The following AKAP13 variants were observed in gnomAD, a reference collection of about 807,000 sequenced individuals.
AKAP13 encodes A-kinase anchor protein 13.
A neutral mutation model predicts 264.5 loss-of-function variants in AKAP13; 80 were observed. The ratio of observed to expected loss-of-function variants is 0.30; its 90% CI spans 0.25 to 0.36. The LOEUF (loss-of-function observed/expected upper bound fraction) is 0.36. Among genes scored for constraint, AKAP13 ranks in the 10% least tolerant of loss-of-function variants. AKAP13 has a pLI of 1.00. For missense variants in AKAP13, 3,712 were observed against 3,435.2 expected, an observed-to-expected ratio of 1.08 and a Z score of -2.01; for synonymous variants, 1,380 against 1,250.2, an observed-to-expected ratio of 1.10 and a Z score of -2.19.
chr15:85,642,332 A>G (rs1361992298), intron 9 of AKAP13, among the ~76,000 whole-genome samples: 6 of 152,240 alleles, frequency 3.9e-5, no homozygotes, highest in Non-Finnish European at 7.3e-5. Context: ...TTTTTCTTCT[A>G]TTAAGTAGTC....
At chr15:85,738,609 C>T (rs796688398) in intron 33 of AKAP13, among the ~76,000 whole-genome samples, 10 of 151,544 alleles carry the variant, frequency 6.6e-5, no homozygotes, top group South Asian at 2.1e-4. Flanking sequence ...GAGGCCGAGG[C>T]GGGTGGATCA....
intron 1 of AKAP13, among the ~76,000 whole-genome samples, chr15:85,417,724 A>G (rs2072308458): frequency 6.6e-6 from 1 of 152,238 alleles, no homozygotes; most frequent in East Asian, 1.9e-4. Flanking sequence ...ATTTATCCTC[A>G]CCAGGAGCCA....
rs66624781 is a variant in AKAP13, at chr15:85,650,755, CAAAAAAAAAAAAAAAAAAAAAAA to C, written c.4375-4649_4375-4627del. Among the ~76,000 whole-genome samples, 16 of 32,624 alleles carry C rather than the reference CAAAAAAAAAAAAAAAAAAAAAAA, an allele frequency of 4.9e-4. No homozygotes were observed. In the South Asian group the frequency reaches 6.2e-3, roughly 13 times the overall value. 21.4% of individuals were successfully genotyped at this position (32,624 alleles called of 152,430 possible). On this transcript the variant is annotated intron_variant, in intron 10 of 36. Coordinates refer to ENST00000394518, the MANE Select transcript of AKAP13 (RefSeq NM_007200.5). Reference sequence around the variant, plus strand: ...TGGGCAACAGAGTGAGACTCCATCTCAAAAAAAAAAAAAAAAAAAAAAAAAAAAAAAAAAACAACAAAAACTGC... The same window carrying C: ...TGGGCAACAGAGTGAGACTCCATCTCAAAAAAAAAAAACAACAAAAACTGC...
chr15:85,581,468 G>T lies in AKAP13; in HGVS notation c.3400G>T (p.Val1134Leu). 6.2e-7 allele frequency: 1 copy of T among 1,614,224 alleles called. No homozygotes were observed. The highest frequency in any genetic ancestry group is 8.5e-7 in the Non-Finnish European group (1 of 1,180,034). Residue 1134 changes from valine to leucine, a missense_variant, in exon 7 of 37, where the codon GTG becomes TTG. By Grantham distance (32) the Val-to-Leu change is conservative. Coordinates refer to ENST00000394518, the MANE Select transcript of AKAP13 (RefSeq NM_007200.5). ...QEKNAVLGLPVALQDKAVTDP... is the reference protein window; with the variant it reads ...QEKNAVLGLPLALQDKAVTDP... Reference sequence around the variant, plus strand: ...GAAGAATGCCGTTCTAGGTTTGCCAGTGGCTCTACAGGACAAAGCTGTGAC... The same window carrying T: ...GAAGAATGCCGTTCTAGGTTTGCCATTGGCTCTACAGGACAAAGCTGTGAC...
chr15:85,487,754 C>A (rs1378226798), intron 2 of AKAP13, among the ~76,000 whole-genome samples: 1 of 142,370 alleles, frequency 7.0e-6, no homozygotes, highest in Non-Finnish European at 1.5e-5. Flanking sequence ...TTTATTGAGA[C>A]AAGGTCTTGC....
intron 1 of AKAP13, among the ~76,000 whole-genome samples, chr15:85,393,524 A>G (rs2070966887): frequency 6.6e-6 from 1 of 152,218 alleles, no homozygotes. Flanking sequence ...TCCAGTCTAG[A>G]GAGGTTTTTT....
chr15:85,593,626 T>C (rs993885027), intron 8 of AKAP13, among the ~76,000 whole-genome samples: 1 of 152,038 alleles, frequency 6.6e-6, no homozygotes, highest in Admixed American at 6.6e-5. Context: ...TGTTCTGGGA[T>C]ATTAAAATCA....
At chr15:85,730,363 T>C in intron 29 of AKAP13, 150 bp from the exon 30 acceptor site, 1 of 720,202 alleles carries the variant, frequency 1.4e-6, no homozygotes, top group South Asian at 1.8e-5. Context: ...AATATTGCTG[T>C]CTTGATGAAA....
chr15:85,456,809 C>T (rs1289195004), intron 1 of AKAP13, among the ~76,000 whole-genome samples: 1 of 152,132 alleles, frequency 6.6e-6, no homozygotes, highest in Non-Finnish European at 1.5e-5. Context: ...ATGTTGACAG[C>T]TTTTCTCTCC....
At chr15:85,688,300 C>G (rs1287022983) in intron 16 of AKAP13, among the ~76,000 whole-genome samples, 2 of 152,036 alleles carry the variant, frequency 1.3e-5, no homozygotes, top group Non-Finnish European at 1.5e-5. Context: ...TGGATATTGA[C>G]ACTGATTTTT....
intron 17 of AKAP13, among the ~76,000 whole-genome samples, chr15:85,700,947 C>T (rs11635418): frequency 4.6e-5 from 7 of 152,078 alleles, no homozygotes; most frequent in East Asian, 1.9e-4. Flanking sequence ...GAATGTCATG[C>T]ACCTCTGACC....
chr15:85,647,811 C>G (rs919061462), intron 10 of AKAP13, among the ~76,000 whole-genome samples: 3 of 152,026 alleles, frequency 2.0e-5, no homozygotes, highest in Non-Finnish European at 4.4e-5. Flanking sequence ...ACCTGTAGTC[C>G]CAGCTACTCG....
intron 13 of AKAP13, among the ~76,000 whole-genome samples, chr15:85,665,626 C>G (rs1026545785): frequency 6.6e-6 from 1 of 152,062 alleles, no homozygotes; most frequent in Non-Finnish European, 1.5e-5. Context: ...TTTGCTGCAC[C>G]CATTAACTCG....
At chr15:85,454,330 C>T (rs527539878) in intron 1 of AKAP13, among the ~76,000 whole-genome samples, 5 of 152,230 alleles carry the variant, frequency 3.3e-5, no homozygotes, top group Admixed American at 1.3e-4. Flanking sequence ...GTTCACAAGG[C>T]GATCTCTTAA....
chr15:85,478,356 A>G (rs987452816), intron 1 of AKAP13, among the ~76,000 whole-genome samples: 3 of 150,692 alleles, frequency 2.0e-5, no homozygotes, highest in African/African-American at 7.3e-5. Context: ...ACTTTCAAAT[A>G]AACTCTAAAA....
At chr15:85,706,414 C>T (rs866405971) in intron 17 of AKAP13, among the ~76,000 whole-genome samples, 78 of 152,208 alleles carry the variant, frequency 5.1e-4, no homozygotes, top group African/African-American at 6.5e-4. Context: ...ACTCACTTAC[C>T]CATCTGATAG....
chr15:85,738,769 C>T (rs1055215953), intron 33 of AKAP13, among the ~76,000 whole-genome samples: 6 of 139,106 alleles, frequency 4.3e-5, no homozygotes, highest in African/African-American at 1.3e-4. Context: ...ACCCGGGAGG[C>T]GGAGCTTGCA....
At chr15:85,533,015 T>C (rs567828732) in intron 3 of AKAP13, among the ~76,000 whole-genome samples, 1 of 152,368 alleles carries the variant, frequency 6.6e-6, no homozygotes, top group East Asian at 1.9e-4. Context: ...ATTACTTATT[T>C]TTTAGGCCTT....
chr15:85,389,533 A>C (rs1014112934), intron 1 of AKAP13, among the ~76,000 whole-genome samples: 2 of 152,218 alleles, frequency 1.3e-5, no homozygotes, highest in African/African-American at 4.8e-5. Flanking sequence ...TTACTCCGTC[A>C]TGGTTAGCAG....
Sources: gnomAD v4.1 joint callset for allele counts (sites outside exome capture counted in the v4.1 genomes callset) on GRCh38, gnomAD v4.1.1 for gene constraint, MANE v1.5 for transcripts, NCBI Gene and HGNC (gene_info 2026-07-23, HGNC 2026-07-21) for gene names.